Variants in RARB observed in about 807,000 individuals in gnomAD.
RARB encodes the protein retinoic acid receptor beta.
Under a neutral mutation model 51.9 loss-of-function variants are expected in RARB, and 17 were observed. The observed-to-expected ratio is 0.33, with a 90% CI of 0.22 to 0.49. RARB has a LOEUF of 0.49. Ranked by LOEUF, RARB falls within the 20% of genes least tolerant of loss-of-function variation. RARB has a pLI of 0.99. For missense variants in RARB, 369 were observed against 550.8 expected (o/e 0.67, Z 3.30); for synonymous variants, 215 against 195.4 (o/e 1.10, Z -0.84).
chr3:25,240,603 C>T (rs1291397068), intron 5 of RARB, among the ~76,000 whole-genome samples: 1 of 151,968 alleles, frequency 6.6e-6, no homozygotes, highest in African/African-American at 2.4e-5. Flanking sequence ...CAGTTTTTGT[C>T]CTTCATTCTA....
intron 2 of RARB, among the ~76,000 whole-genome samples, chr3:24,967,515 C>T (rs1696301724): frequency 6.6e-6 from 1 of 152,126 alleles, no homozygotes; most frequent in Non-Finnish European, 1.5e-5. Flanking sequence ...TGTAGTGTTT[C>T]TCCGACATGC....
chr3:25,463,689 C>T (rs976449496), intron 2 of RARB, among the ~76,000 whole-genome samples: 12 of 151,768 alleles, frequency 7.9e-5, no homozygotes, highest in Admixed American at 5.2e-4. Context: ...TGTACAAATG[C>T]GTAAATGTCA....
chr3:25,482,511 T>C lies in RARB; in HGVS notation c.307-18671T>C, dbSNP rs552398798. On this transcript the variant is annotated intron_variant, in intron 2 of 7. Transcript: ENST00000330688. ...GTTACACATGTAACTTTAAATTTTC[T>C]AGCAGCCAAATTTTTTTTTTTTTTT... Among the ~76,000 whole-genome samples the C allele has an allele frequency of 1.6e-4, 23 of 144,816 alleles. No homozygotes were observed. In the South Asian group the frequency reaches 3.7e-3, roughly 24 times the overall value.
intron 2 of RARB, among the ~76,000 whole-genome samples, chr3:25,494,253 G>GCACGCGCGCGCGCGCACTCACACACACA (rs1553623182): frequency 3.8e-5 from 5 of 131,852 alleles, no homozygotes; most frequent in Non-Finnish European, 8.8e-5. Context: ...TGTATCTTAC[G>GCACGCGCGCGCGCGCACTCACACACACA]CACACACACA....
intron 3 of RARB, among the ~76,000 whole-genome samples, chr3:25,540,570 C>T (rs111743257): frequency 0.015 from 2,359 of 152,254 alleles, 70 homozygotes; most frequent in African/African-American, 0.053. Context: ...CTCTGTTTCC[C>T]TGGTAACCAG....
chr3:24,867,837 A>C (rs1420959755), intron 2 of RARB, among the ~76,000 whole-genome samples: 1 of 152,186 alleles, frequency 6.6e-6, no homozygotes, highest in Non-Finnish European at 1.5e-5. Context: ...CAAAAACAAC[A>C]AAAGGAAATG....
chr3:25,335,019 G>A (rs322685), intron 5 of RARB, among the ~76,000 whole-genome samples: 30,900 of 152,088 alleles, frequency 0.2, 3,651 homozygotes, highest in Admixed American at 0.32. Flanking sequence ...GGTTAGAGGA[G>A]TCAAGAGCAT....
At chr3:25,552,920 C>A (rs766854624) in intron 3 of RARB, among the ~76,000 whole-genome samples, 6 of 152,016 alleles carry the variant, frequency 3.9e-5, no homozygotes, top group Non-Finnish European at 8.8e-5. Context: ...TGTAGCAGAT[C>A]TGTTTAAATA....
At chr3:25,163,507 ATATATATAT>A (rs1559488362) in intron 4 of RARB, among the ~76,000 whole-genome samples, 378 of 14,282 alleles carry the variant, frequency 0.026, 6 homozygotes, top group African/African-American at 0.075. Context: ...ATCTCAAAAT[ATATATATAT>A]ATATATATAT....
intron 1 of RARB, among the ~76,000 whole-genome samples, chr3:25,459,870 A>C (rs1016746326): frequency 6.6e-6 from 1 of 152,156 alleles, no homozygotes; most frequent in Non-Finnish European, 1.5e-5. Flanking sequence ...AACCACTTTT[A>C]ATTCTCCTTC....
intron 2 of RARB, among the ~76,000 whole-genome samples, chr3:25,036,476 C>T (rs1483580048): frequency 1.3e-5 from 2 of 152,190 alleles, no homozygotes; most frequent in African/African-American, 2.4e-5. Flanking sequence ...ACCATCTTTT[C>T]CTTTAAGTCT....
At chr3:24,911,858 A>G (rs373586557) in intron 2 of RARB, among the ~76,000 whole-genome samples, 147 of 152,346 alleles carry the variant, frequency 9.6e-4, no homozygotes, top group African/African-American at 3.2e-3. Context: ...AGAATTTTCT[A>G]TAGACTTCAC....
intron 1 of RARB, among the ~76,000 whole-genome samples, chr3:24,853,581 G>A (rs1199468845): frequency 6.6e-6 from 1 of 152,154 alleles, no homozygotes; most frequent in Non-Finnish European, 1.5e-5. Context: ...GAACACAATA[G>A]AAAGTCCAGT....
intron 2 of RARB, among the ~76,000 whole-genome samples, chr3:24,889,210 G>A (rs145982345): frequency 5.9e-5 from 9 of 152,222 alleles, no homozygotes; most frequent in Admixed American, 2.0e-4. Flanking sequence ...GCTGATGGGA[G>A]TGCTATCATC....
intron 5 of RARB, among the ~76,000 whole-genome samples, chr3:25,351,114 TA>T (rs1559367834): frequency 6.6e-6 from 1 of 152,290 alleles, no homozygotes; most frequent in East Asian, 1.9e-4. Flanking sequence ...AAAACTTGGA[TA>T]TCCTTATCCT....
chr3:25,194,068 C>G (rs1701169166), intron 5 of RARB, among the ~76,000 whole-genome samples: 1 of 151,744 alleles, frequency 6.6e-6, no homozygotes, highest in African/African-American at 2.4e-5. Flanking sequence ...TATGAATATT[C>G]AGGCTTTAAA....
chr3:25,073,555 G>T (rs1377148936), intron 3 of RARB, among the ~76,000 whole-genome samples: 1 of 152,136 alleles, frequency 6.6e-6, no homozygotes, highest in Non-Finnish European at 1.5e-5. Flanking sequence ...TACTTATAAG[G>T]TAAACCTCTA....
chr3:25,157,038 T>C (rs540014570), intron 4 of RARB, among the ~76,000 whole-genome samples: 3 of 152,330 alleles, frequency 2.0e-5, no homozygotes, highest in East Asian at 1.9e-4. Flanking sequence ...ATCTCCTAAA[T>C]TGATTTTTAA....
intron 3 of RARB, among the ~76,000 whole-genome samples, chr3:25,533,138 C>G (rs1698998060): frequency 6.6e-6 from 1 of 152,144 alleles, no homozygotes; most frequent in South Asian, 2.1e-4. Flanking sequence ...TTAATGCACA[C>G]TAACAAAAAG....
Sources: allele counts gnomAD v4.1 joint callset (sites outside exome capture counted in the v4.1 genomes callset), GRCh38; gene constraint gnomAD v4.1.1; transcripts MANE v1.5; gene names NCBI Gene and HGNC (gene_info 2026-07-23, HGNC 2026-07-21).